DST: variants seen among roughly 807,000 people sequenced by gnomAD.
DST encodes the protein bullous pemphigoid antigen.
DST carries 253 observed loss-of-function variants against 875.2 expected under a neutral mutation model. The observed-to-expected ratio is 0.29, with a 90% confidence interval of 0.26 to 0.32. DST has a LOEUF of 0.32. Among genes scored for constraint, DST ranks in the 10% least tolerant of loss-of-function variants. DST has a pLI of 1.00. For synonymous variants in DST, 3,124 were observed against 3,197.1 expected (o/e 0.98, Z 0.77); for missense variants, 8,287 against 9,111.6 (o/e 0.91, Z 3.68).
chr6:56,558,812 A>AAC (rs2097479730), intron 58 of DST, among the ~76,000 whole-genome samples: 2 of 152,110 alleles, frequency 1.3e-5, no homozygotes, highest in Admixed American at 6.6e-5. Context: ...TTATAATCCA[A>AAC]ACAGGCTTTT....
chr6:56,469,808 C>A, intron 97 of DST, 75 bp downstream of exon 97: 3 of 1,290,406 alleles, frequency 2.3e-6, no homozygotes, highest in Non-Finnish European at 3.4e-6. Context: ...TCCTGGAAAA[C>A]AATGGAGATC....
In DST at chr6:56,458,109, A is replaced by T. The variant is rs2094158311; in HGVS notation, c.*896T>A. On this transcript the variant is annotated 3_prime_UTR_variant, in exon 104 of 104. Coordinates refer to ENST00000680361, the MANE Select transcript of DST (RefSeq NM_001374736.1). ...AAATATAGATAGATATAATACCAGA[A>T]CATGATTATTTCAGATGAGAAATCA... 6.6e-6 allele frequency: 1 copy of T among 152,540 alleles called. No individual in the cohort carries two copies. The highest frequency in any genetic ancestry group is 2.4e-5 in the African/African-American group (1 of 41,432). The allele number at this position is 152,540 out of a possible 1,614,324, so 9.4% of individuals were successfully genotyped here. A position where few individuals can be genotyped will look rare whatever the true frequency, so the allele number is the denominator to read the frequency against.
intron 50 of DST, among the ~76,000 whole-genome samples, chr6:56,576,980 T>C (rs1233697625): frequency 6.6e-6 from 1 of 152,178 alleles, no homozygotes; most frequent in African/African-American, 2.4e-5. Flanking sequence ...TGATAAAATA[T>C]TGTCACTGAA....
rs566204112 is a variant in DST at position 56,801,790 on chromosome 6, C to G, written c.625+49607G>C. On this transcript the variant is annotated intron_variant, in intron 4 of 103. Coordinates refer to ENST00000680361, the MANE Select transcript of DST (RefSeq NM_001374736.1). ...TTTGAGATGGAGTCTTGCTCTGTCA[C>G]CCAGGCCGGAGCGCGATGGTATGAT... Among the ~76,000 whole-genome samples the G allele has an allele frequency of 4.8e-5, 7 of 147,270 alleles. No individual in the cohort carries two copies. In the South Asian group the frequency reaches 1.3e-3, roughly 27 times the overall value.
intron 4 of DST, among the ~76,000 whole-genome samples, chr6:56,759,687 G>A (rs2099612738): frequency 6.6e-6 from 1 of 152,102 alleles, no homozygotes; most frequent in Non-Finnish European, 1.5e-5. Flanking sequence ...GGTGCACTAA[G>A]GGGTTTCTGA....
intron 78 of DST, among the ~76,000 whole-genome samples, chr6:56,502,054 CAT>C (rs2096147326): frequency 6.6e-6 from 1 of 152,084 alleles, no homozygotes; most frequent in Admixed American, 6.6e-5. Flanking sequence ...TATGTTGACA[CAT>C]ATGAAAGCCA....
intron 4 of DST, among the ~76,000 whole-genome samples, chr6:56,768,983 C>T (rs1018399120): frequency 1.3e-5 from 2 of 152,154 alleles, no homozygotes; most frequent in African/African-American, 4.8e-5. Flanking sequence ...CACCACTGCA[C>T]TCCAGCCTGG....
chr6:56,760,537 C>A (rs1296718724), intron 4 of DST, among the ~76,000 whole-genome samples: 2 of 152,100 alleles, frequency 1.3e-5, no homozygotes, highest in African/African-American at 4.8e-5. Context: ...AAGTAAAAAG[C>A]AAGCTGATCA....
intron 3 of DST, among the ~76,000 whole-genome samples, chr6:56,883,164 G>A (rs1451958813): frequency 2.0e-5 from 3 of 152,160 alleles, no homozygotes; most frequent in Non-Finnish European, 4.4e-5. Flanking sequence ...CACCACGCCA[G>A]GCCCATGTTG....
At chr6:56,702,186 T>G (rs960961801) in intron 7 of DST, among the ~76,000 whole-genome samples, 10 of 152,160 alleles carry the variant, frequency 6.6e-5, no homozygotes, top group Non-Finnish European at 1.5e-4. Flanking sequence ...AAACATATAC[T>G]TTATGACAAA....
intron 3 of DST, among the ~76,000 whole-genome samples, chr6:56,858,356 C>CTCTT (rs35560192): frequency 0.19 from 29,393 of 151,984 alleles, 3,287 homozygotes; most frequent in African/African-American, 0.28. Context: ...AGAACACAAA[C>CTCTT]TCTAGGGTGT....
At chr6:56,843,688 C>CGGGGAGAG (rs1258653850) in intron 4 of DST, 9,862 of 794,838 alleles carry the variant, frequency 0.012, 126 homozygotes, top group Non-Finnish European at 0.014. Context: ...TCGCCCGCGC[C>CGGGGAGAG]GGGGAGAGAG....
At chr6:56,926,450 G>A (rs1385752789) in intron 2 of DST, among the ~76,000 whole-genome samples, 4 of 152,206 alleles carry the variant, frequency 2.6e-5, no homozygotes, top group Non-Finnish European at 5.9e-5. Flanking sequence ...ACCGTAAGGG[G>A]AAATTGAGGA....
chr6:56,508,853 G>T, intron 74 of DST, 98 bp from the exon 75 acceptor site: 1 of 990,530 alleles, frequency 1.0e-6, no homozygotes, highest in East Asian at 2.6e-5. Context: ...GATCCAATTT[G>T]CTAAGTATCT....
intron 4 of DST, among the ~76,000 whole-genome samples, chr6:56,762,131 C>G (rs1244076685): frequency 6.6e-6 from 1 of 152,136 alleles, no homozygotes; most frequent in Non-Finnish European, 1.5e-5. Context: ...AGCAATTCTC[C>G]TGTTTCAGCC....
intron 2 of DST, among the ~76,000 whole-genome samples, chr6:56,951,543 GA>G (rs1025085156): frequency 1.4e-4 from 22 of 152,234 alleles, no homozygotes; most frequent in African/African-American, 5.3e-4. Flanking sequence ...CATCTTGATA[GA>G]AAAGAGAAAA....
intron 4 of DST, among the ~76,000 whole-genome samples, chr6:56,773,869 G>A (rs2099672477): frequency 2.0e-5 from 3 of 152,104 alleles, no homozygotes. Flanking sequence ...TGTAATCCCA[G>A]CACTTTGGGA....
At chr6:56,902,123 T>C (rs1794399348) in intron 2 of DST, among the ~76,000 whole-genome samples, 1 of 152,198 alleles carries the variant, frequency 6.6e-6, no homozygotes, top group African/African-American at 2.4e-5. Flanking sequence ...GAATGAATAA[T>C]ACATAGATGA....
At position 56,639,291 on chromosome 6, in the gene DST, G is replaced by C; in HGVS notation, c.2932C>G (p.Leu978Val). 3 of 1,613,806 alleles carry C rather than the reference G, an allele frequency of 1.9e-6. No individual in the cohort carries two copies. Among genetic ancestry groups the C allele is most frequent in the Non-Finnish European group, 2.5e-6 (3 of 1,179,826 alleles). ...GTTAACCGGGCTGGATGATTTTCTA[G>C]AAGTAGCTGCTCTGCTATCTCCTGA... Reference protein sequence around the residue: ...SVQEIAEQLLLENHPARLTIE... With the variant: ...SVQEIAEQLLVENHPARLTIE... The change falls in exon 22 of 104, where the codon CTA (leucine) becomes GTA (valine). Residue 978 changes from leucine (L) to valine (V), a missense_variant. By Grantham distance (32) the Leu-to-Val change is conservative. Coordinates refer to ENST00000680361, the MANE Select transcript of DST (RefSeq NM_001374736.1).
Sources: allele counts gnomAD v4.1 joint callset (sites outside exome capture counted in the v4.1 genomes callset), GRCh38; gene constraint gnomAD v4.1.1; transcripts MANE v1.5; gene names NCBI Gene and HGNC (gene_info 2026-07-23, HGNC 2026-07-21).